PARD3: variants seen among roughly 807,000 people sequenced by gnomAD.
The protein encoded by PARD3 is partitioning defective 3 homolog.
PARD3 carries 75 observed loss-of-function variants against 155.4 expected under a neutral mutation model. That is an observed-to-expected ratio of 0.48 (90% CI 0.40 to 0.58). The LOEUF is 0.58. Ranked by LOEUF, PARD3 falls within the 20% of genes least tolerant of loss-of-function variation. PARD3 has a pLI of 0.00. For missense variants in PARD3, 1,642 were observed against 1,721.7 expected (o/e 0.95, Z 0.82); for synonymous variants, 576 against 610.5 (o/e 0.94, Z 0.83).
chr10:34,437,667 G>GA (rs1322528400), intron 5 of PARD3, among the ~76,000 whole-genome samples: 2 of 151,788 alleles, frequency 1.3e-5, no homozygotes, highest in Non-Finnish European at 2.9e-5. Context: ...ACTCTCTAAA[G>GA]AAAAAAATTT....
At chr10:34,341,871 A>C in intron 15 of PARD3, 55 bp from the exon 16 acceptor site, 1 of 1,087,046 alleles carries the variant, frequency 9.2e-7, no homozygotes, top group Non-Finnish European at 1.3e-6. Context: ...AAAGTGTTAC[A>C]TCTATTAATT....
chr10:34,376,927 A>G (rs933071628), intron 10 of PARD3, among the ~76,000 whole-genome samples: 5 of 152,244 alleles, frequency 3.3e-5, no homozygotes, highest in African/African-American at 1.2e-4. Context: ...AAAATGGTTT[A>G]AAACATATTT....
At chr10:34,502,981 T>C (rs1367011328) in intron 3 of PARD3, among the ~76,000 whole-genome samples, 2 of 152,118 alleles carry the variant, frequency 1.3e-5, no homozygotes, top group Non-Finnish European at 2.9e-5. Flanking sequence ...AGACCCATAC[T>C]CAGAATTAAA....
chr10:34,218,720 A>G (rs1228581605), intron 22 of PARD3, among the ~76,000 whole-genome samples: 1 of 148,648 alleles, frequency 6.7e-6, no homozygotes, highest in Non-Finnish European at 1.5e-5. Flanking sequence ...GAGTGGAAAG[A>G]TGGATTGGAG....
intron 2 of PARD3, among the ~76,000 whole-genome samples, chr10:34,618,194 AT>A (rs1321827091): frequency 6.6e-6 from 1 of 152,226 alleles, no homozygotes; most frequent in Non-Finnish European, 1.5e-5. Context: ...AGCTGTATTT[AT>A]TAAGTGTTCA....
intron 21 of PARD3, among the ~76,000 whole-genome samples, chr10:34,270,878 T>C (rs981531727): frequency 1.3e-5 from 2 of 152,184 alleles, no homozygotes; most frequent in African/African-American, 4.8e-5. Flanking sequence ...TTTACTGAAG[T>C]TACGTTTAGT....
intron 22 of PARD3, among the ~76,000 whole-genome samples, chr10:34,176,600 G>A (rs751229755): frequency 4.6e-5 from 7 of 152,108 alleles, no homozygotes; most frequent in South Asian, 2.1e-4. Flanking sequence ...CACCTGTACC[G>A]TTCCCTATAA....
At chr10:34,336,334 C>A in intron 17 of PARD3, 91 bp from the exon 18 acceptor site, 1 of 846,128 alleles carries the variant, frequency 1.2e-6, no homozygotes. Flanking sequence ...AGTTAGGTGA[C>A]GATCCTCAGC....
intron 2 of PARD3, among the ~76,000 whole-genome samples, chr10:34,584,125 C>T (rs2087769606): frequency 6.6e-6 from 1 of 152,178 alleles, no homozygotes; most frequent in South Asian, 2.1e-4. Flanking sequence ...ACTATTATTT[C>T]TTCCTAGCCT....
intron 2 of PARD3, among the ~76,000 whole-genome samples, chr10:34,674,055 T>C (rs1279072799): frequency 6.6e-6 from 1 of 151,902 alleles, no homozygotes; most frequent in Non-Finnish European, 1.5e-5. Flanking sequence ...TAGCAAGTAG[T>C]TTTCTAACAC....
intron 7 of PARD3, among the ~76,000 whole-genome samples, chr10:34,398,696 C>T (rs1310472193): frequency 6.6e-6 from 1 of 152,096 alleles, no homozygotes; most frequent in South Asian, 2.1e-4. Flanking sequence ...AATATCACAA[C>T]AGTCCTTTCA....
chr10:34,737,159 T>C (rs939925066), intron 1 of PARD3, among the ~76,000 whole-genome samples: 3 of 152,218 alleles, frequency 2.0e-5, no homozygotes, highest in Non-Finnish European at 2.9e-5. Flanking sequence ...GTCTGCAGTA[T>C]TGACCTGGTC....
At chr10:34,123,234 G>A (rs527822264) in intron 23 of PARD3, among the ~76,000 whole-genome samples, 181 of 152,224 alleles carry the variant, frequency 1.2e-3, no homozygotes, top group African/African-American at 4.1e-3. Context: ...GGATGCTGGA[G>A]AGCCATGATA....
At chr10:34,403,506 G>A (rs1376018870) in intron 5 of PARD3, among the ~76,000 whole-genome samples, 2 of 152,122 alleles carry the variant, frequency 1.3e-5, no homozygotes, top group African/African-American at 4.8e-5. Context: ...AGTAAGAGAC[G>A]GCAAAGCAGG....
At chr10:34,523,675 T>C (rs762872373) in intron 2 of PARD3, among the ~76,000 whole-genome samples, 6 of 152,100 alleles carry the variant, frequency 3.9e-5, no homozygotes, top group Admixed American at 1.3e-4. Context: ...AAGAAGAATG[T>C]AACAGAAGAG....
rs545970134 is a variant in PARD3 at position 34,645,083 on chromosome 10, C to T, written c.222+51235G>A. The stretch of plus-strand genomic sequence containing the variant: ...GCCCAGGCTGGTCTCAAACTCCTGG[C>T]CTCAAATGATCCTCTCGCCTTGGCC... On this transcript the variant is annotated intron_variant, in intron 2 of 24. Transcript: ENST00000374788. Among the ~76,000 whole-genome samples, 11 of 152,254 alleles carry T rather than the reference C, an allele frequency of 7.2e-5. No homozygotes were observed. The East Asian group carries it at 1.7e-3, about 24-fold the overall frequency.
chr10:34,736,345 T>TTTTG (rs1219157786), intron 1 of PARD3, among the ~76,000 whole-genome samples: 143 of 150,138 alleles, frequency 9.5e-4, no homozygotes, highest in African/African-American at 3.2e-3. Flanking sequence ...TTTTTTTTTT[T>TTTTG]GGTGATAGGG....
intron 16 of PARD3, among the ~76,000 whole-genome samples, chr10:34,340,919 T>C (rs530180253): frequency 6.6e-6 from 1 of 152,126 alleles, no homozygotes; most frequent in Non-Finnish European, 1.5e-5. Context: ...GTACAATACT[T>C]CACATGGTTT....
At chr10:34,314,031 C>T (rs1213700111) in intron 20 of PARD3, among the ~76,000 whole-genome samples, 1 of 152,172 alleles carries the variant, frequency 6.6e-6, no homozygotes, top group African/African-American at 2.4e-5. Context: ...CTTGAACCCT[C>T]TTGCAAACCG....
Sources: allele counts gnomAD v4.1 joint callset (sites outside exome capture counted in the v4.1 genomes callset), GRCh38; gene constraint gnomAD v4.1.1; transcripts MANE v1.5; gene names NCBI Gene and HGNC (gene_info 2026-07-23, HGNC 2026-07-21).